Variants in SEL1L2 observed in about 807,000 individuals in gnomAD.
SEL1L2 encodes the protein SEL1L2 adaptor subunit of SYVN1 ubiquitin ligase.
In SEL1L2, 89 loss-of-function variants were observed where a neutral mutation model predicts 98.8. That is an observed-to-expected ratio of 0.90 (90% CI 0.76 to 1.07). The LOEUF (loss-of-function observed/expected upper bound fraction) is 1.07. Among genes scored for constraint, SEL1L2 ranks in the 50% least tolerant of loss-of-function variants. The probability of loss-of-function intolerance (pLI) is 0.00; values close to 1 mark genes in which losing one functional copy is unlikely to be tolerated. For missense variants in SEL1L2, 788 were observed against 812.0 expected (o/e 0.97, Z 0.36); for synonymous variants, 262 against 278.5 (o/e 0.94, Z 0.59).
chr20:13,912,336 C>T (rs1333643827), intron 5 of SEL1L2, among the ~76,000 whole-genome samples: 11 of 131,088 alleles, frequency 8.4e-5, no homozygotes, highest in African/African-American at 2.6e-4. Context: ...CTTGCTCTGT[C>T]GCCCACGTTG....
At chr20:13,985,575 A>G (rs2148572944) in intron 1 of SEL1L2, among the ~76,000 whole-genome samples, 1 of 152,236 alleles carries the variant, frequency 6.6e-6, no homozygotes, top group African/African-American at 2.4e-5. Flanking sequence ...TTATTCATTC[A>G]ATATTTTGGT....
intron 5 of SEL1L2, among the ~76,000 whole-genome samples, chr20:13,905,336 G>T: frequency 7.1e-6 from 1 of 140,418 alleles, no homozygotes; most frequent in African/African-American, 2.7e-5. Context: ...TTTTTGAGAC[G>T]GAGTCTCACT....
At chr20:13,955,041 A>T (rs2050461166) in intron 2 of SEL1L2, among the ~76,000 whole-genome samples, 1 of 152,120 alleles carries the variant, frequency 6.6e-6, no homozygotes, top group Non-Finnish European at 1.5e-5. Context: ...TACTTCCTCC[A>T]TTTAGATTTA....
At chr20:13,858,652 T>G (rs1989547081) in intron 18 of SEL1L2, among the ~76,000 whole-genome samples, 1 of 152,228 alleles carries the variant, frequency 6.6e-6, no homozygotes, top group African/African-American at 2.4e-5. Context: ...TCTGCCTTAA[T>G]TACTCACTGT....
chr20:13,919,011 A>G lies in SEL1L2; in HGVS notation c.386+10T>C. The G allele has an allele frequency of 6.3e-7, 1 of 1,587,808 alleles. No individual in the cohort carries two copies. Among genetic ancestry groups the G allele is most frequent in the Non-Finnish European group, 8.6e-7 (1 of 1,160,210 alleles). Reference sequence around the variant, plus strand: ...TTCAACTTGGCTAAGGTCACTGGATAAAGACTTACTCTTCTTTTTGTTTTT... The same window carrying G: ...TTCAACTTGGCTAAGGTCACTGGATGAAGACTTACTCTTCTTTTTGTTTTT... On this transcript the variant is annotated intron_variant, in intron 4 of 19. Transcript: ENST00000284951.
At chr20:13,926,878 TG>T (rs2035955066) in intron 3 of SEL1L2, among the ~76,000 whole-genome samples, 1 of 152,110 alleles carries the variant, frequency 6.6e-6, no homozygotes, top group East Asian at 1.9e-4. Flanking sequence ...CAGTGGTGAT[TG>T]GGTATGATCA....
At chr20:13,887,521 G>A in intron 8 of SEL1L2, among the ~76,000 whole-genome samples, 1 of 152,044 alleles carries the variant, frequency 6.6e-6, no homozygotes. Context: ...ACAAAGGCAA[G>A]TAAAACAGAA....
chr20:13,990,975 T>C (rs905679696), upstream of SEL1L2, among the ~76,000 whole-genome samples: 2 of 152,226 alleles, frequency 1.3e-5, no homozygotes, highest in Non-Finnish European at 2.9e-5. Flanking sequence ...CTGGTATCTC[T>C]AGGCTATGGC....
At chr20:13,909,947 G>A (rs2048143782) in intron 5 of SEL1L2, among the ~76,000 whole-genome samples, 1 of 152,050 alleles carries the variant, frequency 6.6e-6, no homozygotes, top group Admixed American at 6.6e-5. Context: ...CTCCAGCCTG[G>A]GCAACAGAAC....
chr20:13,931,563 A>G (rs1269070555), intron 3 of SEL1L2, 40 bp downstream of exon 3: 1 of 1,164,808 alleles, frequency 8.6e-7, no homozygotes, highest in African/African-American at 1.6e-5. Flanking sequence ...TATTGCATGT[A>G]GTCATTTTAA....
At chr20:13,972,819 T>G (rs1291179243) in intron 1 of SEL1L2, among the ~76,000 whole-genome samples, 2 of 152,192 alleles carry the variant, frequency 1.3e-5, no homozygotes, top group Non-Finnish European at 2.9e-5. Context: ...CTTTTAGGAT[T>G]TTCTCATTAT....
chr20:13,980,649 G>A (rs550503371), intron 1 of SEL1L2, among the ~76,000 whole-genome samples: 158 of 152,230 alleles, frequency 1.0e-3, no homozygotes, highest in Non-Finnish European at 1.0e-4. Flanking sequence ...ATATCCAAAG[G>A]ACTCGAAATC....
chr20:13,942,880 T>G lies in SEL1L2; in HGVS notation c.115-11109A>C, dbSNP rs1349420095. ...AATAAGAGTTTATGAGATGTTTACA[T>G]TGAAGCAAAGCTGTTTTTGTTAATG... On this transcript the variant is annotated intron_variant, in intron 2 of 19. Transcript: ENST00000284951. Among the ~76,000 whole-genome samples the G allele has an allele frequency of 3.9e-5, 6 of 152,322 alleles. No individual in the cohort carries two copies. In the East Asian group the frequency reaches 7.7e-4, roughly 20 times the overall value.
intron 1 of SEL1L2, among the ~76,000 whole-genome samples, chr20:13,974,767 C>T (rs962285064): frequency 6.6e-6 from 1 of 152,124 alleles, no homozygotes; most frequent in Non-Finnish European, 1.5e-5. Context: ...TGCACCAGGG[C>T]TCCTTCCTTT....
intron 5 of SEL1L2, among the ~76,000 whole-genome samples, chr20:13,898,733 G>T (rs980736670): frequency 3.3e-5 from 5 of 151,918 alleles, no homozygotes; most frequent in Admixed American, 6.6e-5. Flanking sequence ...GCTTCCCATT[G>T]TTTTTTTATT....
chr20:13,933,855 C>A (rs368106690), intron 2 of SEL1L2, among the ~76,000 whole-genome samples: 6 of 151,980 alleles, frequency 3.9e-5, no homozygotes, highest in East Asian at 3.9e-4. Context: ...TAGGCCAGAC[C>A]TGGAAGGGGC....
At chr20:13,963,609 G>C (rs1267181340) in intron 1 of SEL1L2, among the ~76,000 whole-genome samples, 1 of 151,974 alleles carries the variant, frequency 6.6e-6, no homozygotes, top group African/African-American at 2.4e-5. Flanking sequence ...CCAGCTATTC[G>C]GGGGGCTGAG....
At chr20:13,986,035 C>T (rs2052166497) in intron 1 of SEL1L2, among the ~76,000 whole-genome samples, 1 of 152,162 alleles carries the variant, frequency 6.6e-6, no homozygotes, top group African/African-American at 2.4e-5. Context: ...ATCTGTTCAT[C>T]AGTTGCTGGA....
chr20:13,947,256 C>T (rs528037663), intron 2 of SEL1L2, among the ~76,000 whole-genome samples: 2 of 152,272 alleles, frequency 1.3e-5, no homozygotes, highest in Admixed American at 1.3e-4. Context: ...AACCCCCGGA[C>T]TCAGCTAGAC....
Sources: allele counts gnomAD v4.1 joint callset (sites outside exome capture counted in the v4.1 genomes callset), GRCh38; gene constraint gnomAD v4.1.1; transcripts MANE v1.5; gene names NCBI Gene and HGNC (gene_info 2026-07-23, HGNC 2026-07-21).